EYS: variants seen among roughly 807,000 people sequenced by gnomAD.
The protein encoded by EYS is protein eyes shut homolog.
Under a neutral mutation model 282.1 loss-of-function variants are expected in EYS, and 250 were observed. The ratio of observed to expected loss-of-function variants is 0.89; its 90% CI spans 0.80 to 0.98. EYS has a LOEUF of 0.98. Among genes scored for constraint, EYS ranks in the 50% least tolerant of loss-of-function variants. The pLI is 0.00. For synonymous variants in EYS, 1,355 were observed against 1,282.9 expected, an observed-to-expected ratio of 1.06 and a Z score of -1.20; for missense variants, 4,016 against 3,709.0, an observed-to-expected ratio of 1.08 and a Z score of -2.15.
At chr6:64,723,614 T>C (rs1562155640) in intron 22 of EYS, among the ~76,000 whole-genome samples, 1 of 152,226 alleles carries the variant, frequency 6.6e-6, no homozygotes, top group Non-Finnish European at 1.5e-5. Flanking sequence ...CCGTGATCTA[T>C]GTGTCATTAT....
intron 33 of EYS, among the ~76,000 whole-genome samples, chr6:64,016,481 C>T (rs374620644): frequency 7.0e-6 from 1 of 143,148 alleles, no homozygotes; most frequent in Non-Finnish European, 1.5e-5. Flanking sequence ...CTGTGTCATA[C>T]CTTTTTGATT....
chr6:65,527,716 A>G (rs779812720), intron 2 of EYS, among the ~76,000 whole-genome samples: 4 of 152,196 alleles, frequency 2.6e-5, no homozygotes, highest in African/African-American at 4.8e-5. Flanking sequence ...GAGACCGGGC[A>G]TACACCTATT....
intron 14 of EYS, among the ~76,000 whole-genome samples, chr6:64,989,419 A>G (rs141186637): frequency 0.014 from 1,485 of 108,448 alleles, 73 homozygotes; most frequent in Non-Finnish European, 0.019. Flanking sequence ...ATATATATGA[A>G]TATATATGAG....
chr6:65,457,178 T>C (rs945896149), intron 5 of EYS, among the ~76,000 whole-genome samples: 3 of 152,098 alleles, frequency 2.0e-5, no homozygotes, highest in Non-Finnish European at 2.9e-5. Flanking sequence ...TATTTATTTA[T>C]TTTTTTAGAC....
chr6:63,879,997 C>A (rs907257355), intron 35 of EYS, among the ~76,000 whole-genome samples: 2 of 152,186 alleles, frequency 1.3e-5, no homozygotes, highest in Non-Finnish European at 2.9e-5. Context: ...AGTAGAGATG[C>A]TGTGATTTTA....
At chr6:64,599,182 C>T (rs941384947) in intron 24 of EYS, among the ~76,000 whole-genome samples, 3 of 152,066 alleles carry the variant, frequency 2.0e-5, no homozygotes, top group South Asian at 2.1e-4. Flanking sequence ...TAAGAAAGTT[C>T]TAATCTTATT....
intron 35 of EYS, among the ~76,000 whole-genome samples, chr6:63,906,600 A>T (rs1366191770): frequency 1.3e-5 from 2 of 152,146 alleles, no homozygotes; most frequent in African/African-American, 4.8e-5. Context: ...ACCTTACTGA[A>T]CGCTTTTGAA....
chr6:64,725,072 G>A (rs770195610), intron 22 of EYS, among the ~76,000 whole-genome samples: 1 of 152,110 alleles, frequency 6.6e-6, no homozygotes, highest in Non-Finnish European at 1.5e-5. Context: ...AGTAAAAGAA[G>A]AGATAACACA....
intron 29 of EYS, among the ~76,000 whole-genome samples, chr6:64,330,804 T>C (rs2150390269): frequency 1.3e-5 from 2 of 152,272 alleles, no homozygotes; most frequent in East Asian, 3.9e-4. Flanking sequence ...TCAAGGACTT[T>C]TTTGTGAAAA....
At chr6:65,526,336 G>T (rs1767562946) in intron 2 of EYS, among the ~76,000 whole-genome samples, 1 of 152,050 alleles carries the variant, frequency 6.6e-6, no homozygotes, top group Non-Finnish European at 1.5e-5. Context: ...GAGATCAATT[G>T]TAAGTAAAAT....
chr6:65,200,628 T>A (rs1765877451), intron 12 of EYS, among the ~76,000 whole-genome samples: 1 of 151,748 alleles, frequency 6.6e-6, no homozygotes, highest in South Asian at 2.1e-4. Context: ...AGTTATTGTA[T>A]ATAAATGTGT....
At chr6:64,505,642 T>C (rs1331475749) in intron 26 of EYS, among the ~76,000 whole-genome samples, 3 of 152,170 alleles carry the variant, frequency 2.0e-5, no homozygotes, top group Non-Finnish European at 4.4e-5. Context: ...TATACAAGCA[T>C]TGAGTTGTCA....
chr6:64,671,565 T>C (rs1769463711), intron 22 of EYS, among the ~76,000 whole-genome samples: 1 of 152,176 alleles, frequency 6.6e-6, no homozygotes, highest in African/African-American at 2.4e-5. Flanking sequence ...TGTTGGTGTG[T>C]CATTTCAGGG....
At chr6:64,905,150 A>G (rs1052492644) in intron 16 of EYS, among the ~76,000 whole-genome samples, 2 of 152,112 alleles carry the variant, frequency 1.3e-5, no homozygotes, top group Non-Finnish European at 2.9e-5. Context: ...GTGTTAGGGC[A>G]CTCTATGTTG....
At chr6:64,900,024 G>A (rs1324718424) in intron 18 of EYS, among the ~76,000 whole-genome samples, 10 of 152,058 alleles carry the variant, frequency 6.6e-5, no homozygotes, top group East Asian at 5.8e-4. Context: ...TGCTGGTACC[G>A]AAACAGATAT....
At chr6:65,557,434 C>A (rs1768860202) in intron 2 of EYS, among the ~76,000 whole-genome samples, 1 of 152,208 alleles carries the variant, frequency 6.6e-6, no homozygotes, top group Non-Finnish European at 1.5e-5. Context: ...TAAAGCTGGA[C>A]CAGACATACA....
At chr6:64,351,582 C>G (rs1008317465) in intron 29 of EYS, among the ~76,000 whole-genome samples, 1 of 151,222 alleles carries the variant, frequency 6.6e-6, no homozygotes, top group Non-Finnish European at 1.5e-5. Flanking sequence ...TAAGAAGAGA[C>G]CCGAGAGCAG....
chr6:64,644,218 G>A (rs991970771), intron 22 of EYS, among the ~76,000 whole-genome samples: 2 of 152,128 alleles, frequency 1.3e-5, no homozygotes, highest in Non-Finnish European at 2.9e-5. Context: ...TTCTGGACGA[G>A]TCATTCCTGG....
intron 18 of EYS, among the ~76,000 whole-genome samples, chr6:64,894,999 C>G (rs1387091926): frequency 1.3e-5 from 2 of 151,936 alleles, no homozygotes; most frequent in Non-Finnish European, 2.9e-5. Context: ...TTGTCATGCC[C>G]CTTTAGACCA....
Sources: allele counts gnomAD v4.1 joint callset (sites outside exome capture counted in the v4.1 genomes callset), GRCh38; gene constraint gnomAD v4.1.1; transcripts MANE v1.5; gene names NCBI Gene and HGNC (gene_info 2026-07-23, HGNC 2026-07-21).